The following SGK3 variants were observed in gnomAD, a reference collection of about 807,000 sequenced individuals.
SGK3 encodes serum/glucocorticoid regulated kinase family member 3, also known as serine/threonine-protein kinase Sgk3.
Under a neutral mutation model 68.5 loss-of-function variants are expected in SGK3, and 47 were observed. The observed-to-expected ratio is 0.69, with a 90% confidence interval of 0.54 to 0.87. The LOEUF (loss-of-function observed/expected upper bound fraction) is 0.87. SGK3 is among the 40% of genes least tolerant of loss of function. The pLI is 0.00. For missense variants in SGK3, 479 were observed against 575.5 expected, an observed-to-expected ratio of 0.83 and a Z score of 1.72; for synonymous variants, 181 against 189.1, an observed-to-expected ratio of 0.96 and a Z score of 0.35.
At chr8:66,817,624 T>C (rs1417371205) in intron 5 of SGK3, among the ~76,000 whole-genome samples, 1 of 151,898 alleles carries the variant, frequency 6.6e-6, no homozygotes, top group Admixed American at 6.6e-5. Flanking sequence ...AGTGCTGGGA[T>C]TGTAGGTGTG....
intron 1 of SGK3, chr8:66,737,619 T>A (rs1805362582): frequency 7.1e-6 from 1 of 140,124 alleles, no homozygotes; most frequent in South Asian, 2.2e-4. Flanking sequence ...CCCTTTATCT[T>A]TTTTTTTTTT....
intron 1 of SGK3, among the ~76,000 whole-genome samples, chr8:66,768,228 T>A (rs1354678206): frequency 6.6e-6 from 1 of 152,212 alleles, no homozygotes; most frequent in Non-Finnish European, 1.5e-5. Context: ...ATTACTATTC[T>A]TGTTTGTTAA....
intron 1 of SGK3, among the ~76,000 whole-genome samples, chr8:66,746,630 T>C (rs917039234): frequency 6.6e-6 from 1 of 152,148 alleles, no homozygotes; most frequent in Non-Finnish European, 1.5e-5. Flanking sequence ...CATAGTTCAC[T>C]GCAGCTCTGA....
intron 1 of SGK3, among the ~76,000 whole-genome samples, chr8:66,740,906 CA>C (rs899256897): frequency 0.12 from 5,086 of 42,780 alleles, 41 homozygotes; most frequent in Non-Finnish European, 0.15. Flanking sequence ...GACTCTGTCT[CA>C]AAAAAAAAAA....
chr8:66,738,818 G>A (rs559663274), intron 1 of SGK3, among the ~76,000 whole-genome samples: 2 of 152,194 alleles, frequency 1.3e-5, no homozygotes, highest in South Asian at 4.2e-4. Context: ...TTTTAGTAGA[G>A]ACGGGGTTTC....
intron 5 of SGK3, 105 bp downstream of exon 5, chr8:66,814,033 A>G: frequency 2.4e-6 from 2 of 843,890 alleles, no homozygotes; most frequent in East Asian, 6.7e-5. Flanking sequence ...TTACTGTGCT[A>G]TATATGTTTG....
At chr8:66,796,523 C>A (rs1251384430) in intron 2 of SGK3, among the ~76,000 whole-genome samples, 1 of 151,230 alleles carries the variant, frequency 6.6e-6, no homozygotes, top group South Asian at 2.1e-4. Flanking sequence ...GTCTCGAACT[C>A]CTGGGCTCAA....
At chr8:66,830,543 CT>C in intron 7 of SGK3, among the ~76,000 whole-genome samples, 1 of 152,318 alleles carries the variant, frequency 6.6e-6, no homozygotes, top group Non-Finnish European at 1.5e-5. Context: ...GGAAACGGCT[CT>C]TTTGGCTGCT....
intron 1 of SGK3, among the ~76,000 whole-genome samples, chr8:66,734,228 C>CTTTTTTTTTTTTTTTTTTTTTTCT (rs529741200): frequency 9.6e-6 from 1 of 104,232 alleles, no homozygotes; most frequent in Non-Finnish European, 2.0e-5. Context: ...CTTTTTCTTT[C>CTTTTTTTTTTTTTTTTTTTTTTCT]TTTTTTTTTT....
At chr8:66,851,851 G>T (rs1189878250) in intron 16 of SGK3, among the ~76,000 whole-genome samples, 2 of 151,972 alleles carry the variant, frequency 1.3e-5, no homozygotes, top group African/African-American at 2.4e-5. Context: ...CTTTGTATAG[G>T]GATATACACT....
intron 12 of SGK3, among the ~76,000 whole-genome samples, 196 bp downstream of exon 12, chr8:66,840,443 G>A (rs1585798071): frequency 1.3e-5 from 2 of 152,088 alleles, no homozygotes; most frequent in East Asian, 3.9e-4. Context: ...AAAGATAAAG[G>A]GGTAGCATTA....
chr8:66,791,116 C>T (rs1404123874), intron 1 of SGK3, among the ~76,000 whole-genome samples: 12 of 152,162 alleles, frequency 7.9e-5, no homozygotes, highest in Admixed American at 6.5e-4. Context: ...ATTCCCAGGC[C>T]CTTCAACTGT....
chr8:66,854,035 A>G (rs868023249), intron 16 of SGK3, among the ~76,000 whole-genome samples: 4 of 152,308 alleles, frequency 2.6e-5, no homozygotes, highest in South Asian at 4.1e-4. Flanking sequence ...AGTTACTATG[A>G]AGCATATCCT....
intron 1 of SGK3, among the ~76,000 whole-genome samples, chr8:66,741,088 T>C (rs1805466109): frequency 6.6e-6 from 1 of 152,144 alleles, no homozygotes; most frequent in African/African-American, 2.4e-5. Context: ...AACCTTGCCT[T>C]ACTTGTTTAA....
intron 15 of SGK3, 53 bp from the exon 16 acceptor site, chr8:66,850,778 G>A: frequency 6.6e-7 from 1 of 1,519,838 alleles, no homozygotes; most frequent in South Asian, 1.2e-5. Flanking sequence ...TATGCAGTTA[G>A]TACTTAATAT....
At chr8:66,822,590 A>G in intron 6 of SGK3, 131 bp downstream of exon 6, 1 of 708,524 alleles carries the variant, frequency 1.4e-6, no homozygotes, top group Non-Finnish European at 2.2e-6. Flanking sequence ...GAACACATAA[A>G]AACAAATGCA....
chr8:66,746,942 T>TA (rs1319146969), intron 1 of SGK3, among the ~76,000 whole-genome samples: 1 of 152,148 alleles, frequency 6.6e-6, no homozygotes, highest in Non-Finnish European at 1.5e-5. Flanking sequence ...TAGTCAACGT[T>TA]AATGTATTTA....
At chr8:66,836,489 G>A (rs978569333) in intron 10 of SGK3, among the ~76,000 whole-genome samples, 10 of 152,048 alleles carry the variant, frequency 6.6e-5, no homozygotes, top group African/African-American at 2.2e-4. Context: ...GGGCTCTGTG[G>A]TGGTAGCTTG....
At position 66,764,641 on chromosome 8, in the gene SGK3, T is replaced by G. The variant is rs969665497; in HGVS notation, c.-121-28975T>G. 6.6e-5 allele frequency among the ~76,000 whole-genome samples: 10 copies of G among 152,128 alleles called. No homozygotes were observed. The South Asian group carries it at 2.1e-3, about 32-fold the overall frequency. On this transcript the variant is annotated intron_variant, in intron 1 of 16. Coordinates refer to ENST00000521198, the MANE Select transcript of SGK3 (RefSeq NM_001033578.3). ...GCTCCACTACGCCTGGCTAATTTTT[T>G]TTTGTTAATTTTGTCAGTAGAGATG... is the stretch of plus-strand genomic sequence containing the variant.
Sources: allele counts gnomAD v4.1 joint callset (sites outside exome capture counted in the v4.1 genomes callset), GRCh38; gene constraint gnomAD v4.1.1; transcripts MANE v1.5; gene names NCBI Gene and HGNC (gene_info 2026-07-23, HGNC 2026-07-21).